GFPT2: variants seen among roughly 807,000 people sequenced by gnomAD.
GFPT2 encodes glutamine--fructose-6-phosphate transaminase 2.
Under a neutral mutation model 85.6 loss-of-function variants are expected in GFPT2, and 62 were observed. That is an observed-to-expected ratio of 0.72 (90% CI 0.59 to 0.90). The LOEUF is 0.90. Ranked by LOEUF, GFPT2 falls within the 40% of genes least tolerant of loss-of-function variation. GFPT2 has a pLI of 0.00. For missense variants in GFPT2, 788 were observed against 893.4 expected (o/e 0.88, Z 1.50); for synonymous variants, 368 against 344.5 (o/e 1.07, Z -0.75).
At chr5:180,305,250 G>A (rs968684607) in intron 16 of GFPT2, among the ~76,000 whole-genome samples, 10 of 152,096 alleles carry the variant, frequency 6.6e-5, no homozygotes, top group Middle Eastern at 3.2e-3. Context: ...CAAACAAGTC[G>A]GAGTCAGCCT....
At chr5:180,313,304 T>C (rs1043897221) in intron 14 of GFPT2, among the ~76,000 whole-genome samples, 1 of 151,288 alleles carries the variant, frequency 6.6e-6, no homozygotes, top group Non-Finnish European at 1.5e-5. Flanking sequence ...TAAATGAAGA[T>C]ATGGGGGCCG....
At position 180,310,354 on chromosome 5, in the gene GFPT2, C is replaced by A. The variant is rs532109813; in HGVS notation, c.1546+2076G>T. On this transcript the variant is annotated intron_variant, in intron 15 of 18. Coordinates refer to ENST00000253778, the MANE Select transcript of GFPT2 (RefSeq NM_005110.4). Reference sequence around the variant, plus strand: ...CTGACCTCAGGCGATCTGCCCACCTCGGCCTCCCAAAGTACTGAGATTACA... The same window carrying A: ...CTGACCTCAGGCGATCTGCCCACCTAGGCCTCCCAAAGTACTGAGATTACA... Among the ~76,000 whole-genome samples the A allele has an allele frequency of 5.3e-5, 8 of 151,924 alleles. No homozygotes were observed. The East Asian group carries it at 1.6e-3, about 29-fold the overall frequency.
intron 1 of GFPT2, among the ~76,000 whole-genome samples, chr5:180,347,814 A>T (rs1197397393): frequency 2.0e-5 from 3 of 151,928 alleles, no homozygotes; most frequent in Non-Finnish European, 4.4e-5. Flanking sequence ...TGGAGTGCTG[A>T]GCGTGGGGGT....
rs138920932 is a variant in GFPT2 at position 180,301,458 on chromosome 5, G to A, written c.*106C>T. ...AAGCTGTCAAGCTCTACAGGAGCAC[G>A]CAGAACATGTGGGATGTCCACTTCT... is the stretch of plus-strand genomic sequence containing the variant. On this transcript the variant is annotated 3_prime_UTR_variant, in exon 19 of 19. Transcript: ENST00000253778. The A allele has an allele frequency of 6.7e-5, 66 of 985,498 alleles. No individual in the cohort carries two copies. The highest frequency in any genetic ancestry group is 6.4e-4 in the African/African-American group (40 of 62,828). 61.0% of individuals were successfully genotyped at this position (985,498 alleles called of 1,614,324 possible). A position where few individuals can be genotyped will look rare whatever the true frequency, so the allele number is the denominator to read the frequency against.
intron 7 of GFPT2, among the ~76,000 whole-genome samples, chr5:180,327,315 C>A (rs1561879089): frequency 6.6e-6 from 1 of 152,228 alleles, no homozygotes; most frequent in Non-Finnish European, 1.5e-5. Flanking sequence ...CCATGCCTGG[C>A]ACACAGCAGG....
Position 180,318,073 on chromosome 5 carries a change from G to C in GFPT2, c.958+720C>G, listed in dbSNP as rs536120775. Among the ~76,000 whole-genome samples, 1 of 152,286 alleles carries C rather than the reference G, an allele frequency of 6.6e-6. No individual in the cohort carries two copies. The highest frequency in any genetic ancestry group is 2.4e-5 in the African/African-American group (1 of 41,544). On this transcript the variant is annotated intron_variant, in intron 10 of 18. Coordinates refer to ENST00000253778, the MANE Select transcript of GFPT2 (RefSeq NM_005110.4). This position sits in a 1 kb window ranked among gnomAD's most constrained non-coding sequence, Gnocchi z 4.2. Reference sequence around the variant, plus strand: ...TGGGGAGGGACCATGGCAGACACAGGAGCAGAGAAGGAGTCTCTGAGGGGG... The same window carrying C: ...TGGGGAGGGACCATGGCAGACACAGCAGCAGAGAAGGAGTCTCTGAGGGGG...
At chr5:180,326,024 C>CTAAATAAATAAATAAA (rs60825853) in intron 7 of GFPT2, among the ~76,000 whole-genome samples, 8 of 150,626 alleles carry the variant, frequency 5.3e-5, no homozygotes, top group African/African-American at 1.9e-4. Context: ...GACTCCATCT[C>CTAAATAAATAAATAAA]TAAATAAATA....
chr5:180,347,977 C>A (rs1450555071), intron 1 of GFPT2, among the ~76,000 whole-genome samples: 6 of 152,110 alleles, frequency 3.9e-5, no homozygotes, highest in Non-Finnish European at 8.8e-5. Context: ...CCAGCCCTCA[C>A]TCTGAGTGAG....
At chr5:180,324,096 C>T in intron 9 of GFPT2, 92 bp downstream of exon 9, 1 of 778,500 alleles carries the variant, frequency 1.3e-6, no homozygotes, top group Non-Finnish European at 2.2e-6. Flanking sequence ...CACGATAGCT[C>T]ACATGGAAGG....
chr5:180,324,052 C>G (rs1245185405), intron 9 of GFPT2, 136 bp downstream of exon 9: 1 of 681,738 alleles, frequency 1.5e-6, no homozygotes, highest in East Asian at 2.5e-5. Flanking sequence ...CCAGGGATGG[C>G]TGAACTCTTC....
chr5:180,317,516 T>G (rs1307193588), intron 10 of GFPT2, among the ~76,000 whole-genome samples: 1 of 151,546 alleles, frequency 6.6e-6, no homozygotes, highest in African/African-American at 2.4e-5. Flanking sequence ...TCCCAGCACT[T>G]TGGGAGGCCG....
intron 4 of GFPT2, among the ~76,000 whole-genome samples, chr5:180,335,132 G>T (rs1448450038): frequency 6.6e-6 from 1 of 152,230 alleles, no homozygotes; most frequent in Non-Finnish European, 1.5e-5. Flanking sequence ...GTGCTCCAAC[G>T]TGCTGTCAGC....
At chr5:180,302,280 C>T in intron 18 of GFPT2, 143 bp downstream of exon 18, 1 of 594,712 alleles carries the variant, frequency 1.7e-6, no homozygotes, top group Non-Finnish European at 2.7e-6. Context: ...GAGCGAGACT[C>T]AATCTCAAAA....
In GFPT2 at chr5:180,315,240, C is replaced by G. The variant is rs12514698; in HGVS notation, c.1273+1101G>C. Reference sequence around the variant, plus strand: ...TCGCCCAGGCTGGAGTGCAGTGGCGCGATCTCAGCTCACTGCAAGCTCCGC... The same window carrying G: ...TCGCCCAGGCTGGAGTGCAGTGGCGGGATCTCAGCTCACTGCAAGCTCCGC... On this transcript the variant is annotated intron_variant, in intron 13 of 18. Coordinates refer to ENST00000253778, the MANE Select transcript of GFPT2 (RefSeq NM_005110.4). Among the ~76,000 whole-genome samples, 49 of 150,932 alleles carry G rather than the reference C, an allele frequency of 3.2e-4. No homozygotes were observed. In the South Asian group the frequency reaches 8.8e-3, roughly 27 times the overall value.
rs748018599 is a variant in GFPT2 at position 180,324,119 on chromosome 5, C to G, written c.794+69G>C. 5.8e-6 allele frequency: 5 copies of G among 864,660 alleles called. No individual in the cohort carries two copies. The East Asian group carries it at 7.3e-5, about 13-fold the overall frequency. The allele number at this position is 864,660 out of a possible 1,614,324, so 53.6% of individuals were successfully genotyped here. A position where few individuals can be genotyped will look rare whatever the true frequency, so the allele number is the denominator to read the frequency against. On this transcript the variant is annotated intron_variant, in intron 9 of 18. Coordinates refer to ENST00000253778, the MANE Select transcript of GFPT2 (RefSeq NM_005110.4). ...CTCACATGGAAGGATGAATAAGAAC[C>G]GGCAGTGTTTAGACAGGCATTCTTT...
At position 180,331,387 on chromosome 5, in the gene GFPT2, T is replaced by A. The variant is rs191867784; in HGVS notation, c.399+108A>T. ...ACACGGTGACGTGGCTGAGTGTGGGTCTCACTCAGTTCCCACACTGGTTTC... is the reference window on the plus strand; with the variant it reads ...ACACGGTGACGTGGCTGAGTGTGGGACTCACTCAGTTCCCACACTGGTTTC... On this transcript the variant is annotated intron_variant, in intron 5 of 18. Coordinates refer to ENST00000253778, the MANE Select transcript of GFPT2 (RefSeq NM_005110.4). 3 of 708,738 alleles carry A rather than the reference T, an allele frequency of 4.2e-6. No individual in the cohort carries two copies. In the African/African-American group the frequency reaches 5.3e-5, roughly 13 times the overall value. The allele number at this position is 708,738 out of a possible 1,614,324, so 43.9% of individuals were successfully genotyped here.
chr5:180,309,706 C>T (rs1040240715), intron 15 of GFPT2, among the ~76,000 whole-genome samples: 1 of 152,204 alleles, frequency 6.6e-6, no homozygotes, highest in African/African-American at 2.4e-5. Flanking sequence ...GCCACCACGC[C>T]TGGCCCCAGT....
rs1231413111 is a variant in GFPT2, at chr5:180,336,031, T to C, written c.215-78A>G. Reference sequence around the variant, plus strand: ...GGACTGTGAGTGCAACCTGGTGTCGTTACCCAAGTCACGTCACCCACACCG... The same window carrying C: ...GGACTGTGAGTGCAACCTGGTGTCGCTACCCAAGTCACGTCACCCACACCG... On this transcript the variant is annotated intron_variant, in intron 3 of 18. Transcript: ENST00000253778. The C allele has an allele frequency of 2.1e-6, 3 of 1,410,936 alleles. No individual in the cohort carries two copies. The Admixed American group carries it at 7.8e-5, about 37-fold the overall frequency. The allele number at this position is 1,410,936 out of a possible 1,614,324, so 87.4% of individuals were successfully genotyped here.
intron 5 of GFPT2, 66 bp downstream of exon 5, chr5:180,331,429 G>A: frequency 3.2e-6 from 3 of 925,098 alleles, no homozygotes; most frequent in Non-Finnish European, 5.4e-6. Context: ...GAAATGAGCT[G>A]GCTGGAAAGT....
Sources: allele counts gnomAD v4.1 joint callset (sites outside exome capture counted in the v4.1 genomes callset), GRCh38; gene constraint gnomAD v4.1.1; non-coding constraint Gnocchi (gnomAD v3.1); transcripts MANE v1.5; gene names NCBI Gene and HGNC (gene_info 2026-07-23, HGNC 2026-07-21).